CLUH: variants seen among roughly 807,000 people sequenced by gnomAD.
The protein encoded by CLUH is clustered mitochondria protein homolog.
CLUH carries 77 observed loss-of-function variants against 139.3 expected under a neutral mutation model. The ratio of observed to expected loss-of-function variants is 0.55; its 90% confidence interval spans 0.46 to 0.67. The LOEUF (loss-of-function observed/expected upper bound fraction) is 0.67, where lower values mean the gene tolerates loss of function less well. CLUH is among the 30% of genes least tolerant of loss of function. CLUH has a pLI of 0.00. For synonymous variants in CLUH, 999 were observed against 801.6 expected (o/e 1.25, Z -4.16); for missense variants, 1,876 against 1,875.8 (o/e 1.00, Z 0.00).
Position 2,700,724 on chromosome 17 carries a change from T to C in CLUH, c.1127A>G (p.Asp376Gly), listed in dbSNP as rs369945969. The C allele has an allele frequency of 1.4e-5, 22 of 1,540,710 alleles. No homozygotes were observed. The highest frequency in any genetic ancestry group is 5.2e-6 in the Non-Finnish European group (6 of 1,148,760). The part of the protein sequence containing the change: ...EHAMDCVRAE[D>G]AYTSRLGYEE... ...ATAGCCCAGCCTCGAGGTGTAGGCG[T>C]CCTCTGCACGCACGCAATCCATGGC... Residue 376 changes from aspartate (D) to glycine (G), a missense_variant, in exon 8 of 26, where the codon GAC becomes GGC. Physicochemically the swap from Asp to Gly is moderately conservative, Grantham distance 94. This residue lies in a region of CLUH where 1,454 missense variants were observed against 1,384.4 expected (regional missense o/e 1.05). Coordinates refer to ENST00000651024, the MANE Select transcript of CLUH (RefSeq NM_001366661.1).
chr17:2,706,669 G>A lies in CLUH; in HGVS notation c.101-2105C>T, dbSNP rs191702623. Among the ~76,000 whole-genome samples, 4 of 152,230 alleles carry A rather than the reference G, an allele frequency of 2.6e-5. No individual in the cohort carries two copies. Among genetic ancestry groups the A allele is most frequent in the East Asian group, 3.9e-4 (2 of 5,170 alleles). ...CTAGTGACAGAGCAGAAAGACAGCC[G>A]GGGCGGTGGTCGGTCAGCTTGCAAA... On this transcript the variant is annotated intron_variant, in intron 1 of 25. Coordinates refer to ENST00000651024, the MANE Select transcript of CLUH (RefSeq NM_001366661.1). This position sits in a 1 kb window ranked among gnomAD's most constrained non-coding sequence, Gnocchi z 4.6.
Position 2,696,872 on chromosome 17 carries a change from A to AG in CLUH, c.2031dup (p.Ser678LeufsTer16). The AG allele has an allele frequency of 1.2e-6, 2 of 1,613,086 alleles. No individual in the cohort carries two copies. The highest frequency in any genetic ancestry group is 2.7e-5 in the African/African-American group (2 of 75,018). On this transcript the variant is annotated frameshift_variant, in exon 11 of 26. Transcript: ENST00000651024. LOFTEE classifies it high-confidence loss of function. ...GAAGGACCACCATTTTCCAGGGAGGAGGGGGTCTCCAGCTGGCTGGCGTTC... is the reference window on the plus strand; with the variant it reads ...GAAGGACCACCATTTTCCAGGGAGGAGGGGGGTCTCCAGCTGGCTGGCGTTC...
intron 1 of CLUH, among the ~76,000 whole-genome samples, chr17:2,710,181 G>C (rs1010747355): frequency 1.3e-5 from 2 of 152,232 alleles, no homozygotes; most frequent in African/African-American, 4.8e-5. Context: ...CCTTGGGCAA[G>C]TCACTTCGAC....
rs891202278 is a variant in CLUH, at chr17:2,708,005, C to T, written c.101-3441G>A. On this transcript the variant is annotated intron_variant, in intron 1 of 25. Coordinates refer to ENST00000651024, the MANE Select transcript of CLUH (RefSeq NM_001366661.1). Reference sequence around the variant, plus strand: ...TCCCTTCCCAGCAGCCCCGGCTCTGCCAGGAGGGAACCAAGTCTCTCCCAG... The same window carrying T: ...TCCCTTCCCAGCAGCCCCGGCTCTGTCAGGAGGGAACCAAGTCTCTCCCAG... 4 of 985,206 alleles carry T rather than the reference C, an allele frequency of 4.1e-6. No homozygotes were observed. In the African/African-American group the frequency reaches 7.0e-5, roughly 17 times the overall value. The allele number at this position is 985,206 out of a possible 1,614,324, so 61.0% of individuals were successfully genotyped here.
At position 2,704,642 on chromosome 17, in the gene CLUH, CA is replaced by C; in HGVS notation, c.101-79del. On this transcript the variant is annotated intron_variant, in intron 1 of 25. Transcript: ENST00000651024. The surrounding 1 kb of genome is among the most constrained non-coding windows in gnomAD (Gnocchi z 5.7). ...CTGTCCGCCTGACCCCACACGGGGA[CA>C]CGTGCCTTCTGGAAAGGCATCTGCA... The C allele has an allele frequency of 7.3e-7, 1 of 1,366,976 alleles. No homozygotes were observed. Among genetic ancestry groups the C allele is most frequent in the Non-Finnish European group, 9.8e-7 (1 of 1,019,970 alleles). 84.7% of individuals were successfully genotyped at this position (1,366,976 alleles called of 1,614,324 possible).
chr17:2,706,027 C>T lies in CLUH; in HGVS notation c.101-1463G>A, dbSNP rs557870316. Among the ~76,000 whole-genome samples the T allele has an allele frequency of 3.9e-5, 6 of 152,278 alleles. No individual in the cohort carries two copies. The highest frequency in any genetic ancestry group is 2.1e-4 in the South Asian group (1 of 4,822). ...CTGCCTGGCTTGGCTTGAAGTTCAA[C>T]GGTCCCAACTCTGAGGAGTGCCTGG... On this transcript the variant is annotated intron_variant, in intron 1 of 25. Transcript: ENST00000651024. The surrounding 1 kb of genome is among the most constrained non-coding windows in gnomAD (Gnocchi z 4.6).
chr17:2,694,438 ACACAGCGGGG>A, intron 17 of CLUH, 32 bp downstream of exon 17: 1 of 76,938 alleles, frequency 1.3e-5, no homozygotes, highest in South Asian at 1.1e-3. Flanking sequence ...CGCAGCGGGG[ACACAGCGGGG>A]ACACAGCGGG....
chr17:2,699,119 A>G (rs892650888), intron 9 of CLUH, among the ~76,000 whole-genome samples: 6 of 152,182 alleles, frequency 3.9e-5, no homozygotes, highest in African/African-American at 1.4e-4. Context: ...AGCAGGGCTT[A>G]GTGATTAACA....
chr17:2,694,826 A>ACCCCCCCCGCCCCCCC, intron 16 of CLUH, 31 bp downstream of exon 16: 1 of 796,178 alleles, frequency 1.3e-6, no homozygotes, highest in Non-Finnish European at 1.8e-6. Flanking sequence ...GCCCAATCCC[A>ACCCCCCCCGCCCCCCC]CCCACCCCAC....
chr17:2,691,936 C>A, intron 23 of CLUH, 41 bp from the exon 24 acceptor site: 1 of 1,125,248 alleles, frequency 8.9e-7, no homozygotes, highest in Non-Finnish European at 1.1e-6. Context: ...CCCGTGCCCC[C>A]GCGGCCCCGC....
At chr17:2,695,574 C>A in intron 13 of CLUH, 48 bp from the exon 14 acceptor site, 1 of 1,528,070 alleles carries the variant, frequency 6.5e-7, no homozygotes, top group Non-Finnish European at 8.8e-7. Flanking sequence ...TCTGCCTCCA[C>A]CCAACTGAGT....
Position 2,691,788 on chromosome 17 carries a change from G to T in CLUH, c.3762C>A (p.Gly1254=). The change falls in exon 24 of 26, where the codon GGC becomes GGA. Residue 1254 remains glycine, a synonymous_variant. Transcript: ENST00000651024. The part of the protein sequence containing the change: ...QRTMNEIYRN[G]SSANIPPLKF... ...TGAGGGGCGGGATGTTGGCGCTGGA[G>T]CCGTTGCGGTAGATCTCGTTCATGG... is the stretch of plus-strand genomic sequence containing the variant. The T allele has an allele frequency of 6.3e-7, 1 of 1,591,188 alleles. No individual in the cohort carries two copies. The highest frequency in any genetic ancestry group is 1.1e-5 in the South Asian group (1 of 88,006).
In CLUH at chr17:2,694,878, T is replaced by TCCG; in HGVS notation, c.2830_2831insCGG (p.Tyr944delinsSerAsp). 2 of 1,537,898 alleles carry TCCG rather than the reference T, an allele frequency of 1.3e-6. No homozygotes were observed. The highest frequency in any genetic ancestry group is 1.8e-6 in the Non-Finnish European group (2 of 1,138,938). The stretch of plus-strand genomic sequence containing the variant: ...GCACCACTCGAGGTCGAAGTCAAAG[T>TCCG]AGTTCTTGGCCTCCTGGCAGATGTT... On this transcript the variant is annotated protein_altering_variant, in exon 16 of 26. Transcript: ENST00000651024.
chr17:2,697,546 C>G (rs951879179), intron 10 of CLUH, among the ~76,000 whole-genome samples: 2 of 151,912 alleles, frequency 1.3e-5, no homozygotes, highest in Non-Finnish European at 2.9e-5. Context: ...GGCCATTTCC[C>G]CATTTCCTAA....
chr17:2,694,060 T>C (rs2069828510), intron 18 of CLUH, 21 bp from the exon 19 acceptor site: 1 of 1,613,350 alleles, frequency 6.2e-7, no homozygotes, highest in Non-Finnish European at 8.5e-7. Context: ...CCCCCAGGGG[T>C]GGCAAGGTCA....
chr17:2,700,347 G>A (rs755342460), intron 9 of CLUH, 35 bp downstream of exon 9: 2 of 1,576,248 alleles, frequency 1.3e-6, no homozygotes, highest in Non-Finnish European at 1.7e-6. Flanking sequence ...TGGACAGCGG[G>A]CCTCAGACTG....
chr17:2,691,979 C>CCACG (rs1555529522), intron 23 of CLUH, 25 bp downstream of exon 23: 5 of 710,028 alleles, frequency 7.0e-6, no homozygotes, highest in Non-Finnish European at 5.1e-6. Context: ...CCCGCCCCCG[C>CCACG]CCCCGCCACG....
At chr17:2,692,743 C>T (rs1381898097) in intron 20 of CLUH, 37 bp downstream of exon 20, 2 of 1,600,344 alleles carry the variant, frequency 1.2e-6, no homozygotes, top group Admixed American at 1.7e-5. Flanking sequence ...GACCCAGCCC[C>T]TCGCATCCCC....
chr17:2,709,380 T>C (rs2070444984), intron 1 of CLUH, among the ~76,000 whole-genome samples: 1 of 152,100 alleles, frequency 6.6e-6, no homozygotes, highest in Non-Finnish European at 1.5e-5. Flanking sequence ...CTCCTTCCTG[T>C]CCCACCCAGG....
Sources: allele counts gnomAD v4.1 joint callset (sites outside exome capture counted in the v4.1 genomes callset), GRCh38; gene constraint gnomAD v4.1.1; regional missense constraint gnomAD v4.1.1; non-coding constraint Gnocchi (gnomAD v3.1); transcripts MANE v1.5; gene names NCBI Gene and HGNC (gene_info 2026-07-23, HGNC 2026-07-21).